Variants in NSMAF observed in about 807,000 individuals in gnomAD.
NSMAF encodes neutral sphingomyelinase activation associated factor, also known as protein FAN.
Under a neutral mutation model 134.9 loss-of-function variants are expected in NSMAF, and 90 were observed. That is an observed-to-expected ratio of 0.67 (90% CI 0.56 to 0.79). The LOEUF is 0.79. Among genes scored for constraint, NSMAF ranks in the 30% least tolerant of loss-of-function variants. NSMAF has a pLI of 0.00. For synonymous variants in NSMAF, 358 were observed against 389.6 expected, an observed-to-expected ratio of 0.92 and a Z score of 0.96; for missense variants, 1,010 against 1,119.0, an observed-to-expected ratio of 0.90 and a Z score of 1.39.
intron 2 of NSMAF, 149 bp from the exon 3 acceptor site, chr8:58,635,695 T>C: frequency 1.8e-6 from 1 of 552,860 alleles, no homozygotes; most frequent in East Asian, 3.0e-5. Flanking sequence ...TATTTTTAAA[T>C]TAACTGGTAA....
intron 10 of NSMAF, among the ~76,000 whole-genome samples, chr8:58,609,112 C>T (rs1806469303): frequency 6.6e-6 from 1 of 152,210 alleles, no homozygotes; most frequent in South Asian, 2.1e-4. Flanking sequence ...TCCACACACA[C>T]CTCTGCACTA....
Position 58,595,512 on chromosome 8 carries a change from C to T in NSMAF, c.1892+48G>A. On this transcript the variant is annotated intron_variant, in intron 22 of 30. Transcript: ENST00000038176. The stretch of plus-strand genomic sequence containing the variant: ...GTTTAATCCCATGCCAAGACCCTAA[C>T]TTTTACCAGGACTATCAGCTGCTGA... 3 of 1,375,520 alleles carry T rather than the reference C, an allele frequency of 2.2e-6. No individual in the cohort carries two copies. In the Admixed American group the frequency reaches 5.0e-5, roughly 23 times the overall value. The allele number at this position is 1,375,520 out of a possible 1,614,324, so 85.2% of individuals were successfully genotyped here.
intron 1 of NSMAF, among the ~76,000 whole-genome samples, chr8:58,651,280 T>A (rs1436647401): frequency 6.6e-6 from 1 of 152,248 alleles, no homozygotes; most frequent in East Asian, 1.9e-4. Context: ...TCATTTCTAG[T>A]TCCTGTACCA....
intron 2 of NSMAF, chr8:58,637,162 C>T (rs1807195261): frequency 3.2e-6 from 1 of 316,572 alleles, no homozygotes; most frequent in Admixed American, 3.9e-5. Flanking sequence ...ATTTTTGGCC[C>T]AATGTCAGCA....
intron 2 of NSMAF, among the ~76,000 whole-genome samples, chr8:58,640,531 C>T (rs190526519): frequency 6.7e-6 from 1 of 149,144 alleles, no homozygotes; most frequent in Non-Finnish European, 1.5e-5. Flanking sequence ...TAATAGTATA[C>T]TAATAACAAC....
intron 1 of NSMAF, among the ~76,000 whole-genome samples, chr8:58,650,229 C>T (rs563897394): frequency 1.3e-4 from 20 of 152,274 alleles, no homozygotes; most frequent in Admixed American, 3.3e-4. Context: ...TAGGCCTAGG[C>T]AGCAGCCCAG....
intron 2 of NSMAF, among the ~76,000 whole-genome samples, chr8:58,637,051 A>C (rs1024467443): frequency 6.7e-5 from 10 of 150,140 alleles, no homozygotes; most frequent in African/African-American, 2.5e-4. Context: ...CCCACACACA[A>C]ACACACATAT....
At chr8:58,651,390 C>T (rs1413111412) in intron 1 of NSMAF, among the ~76,000 whole-genome samples, 1 of 152,168 alleles carries the variant, frequency 6.6e-6, no homozygotes, top group African/African-American at 2.4e-5. Flanking sequence ...TTTAGCCCTT[C>T]CCCTCAGTAA....
At position 58,643,086 on chromosome 8, in the gene NSMAF, CG is replaced by C. The variant is rs1563543495; in HGVS notation, c.60-14del. The C allele has an allele frequency of 6.2e-7, 1 of 1,600,850 alleles. No homozygotes were observed. The highest frequency in any genetic ancestry group is 1.1e-5 in the South Asian group (1 of 90,754). ...CAGCAAGGAAAATCTGGATTTGGGG[CG>C]AAAAAACAACTTTCAGTTTATTTTT... On this transcript the variant is annotated splice_polypyrimidine_tract_variant and intron_variant, in intron 1 of 30. Coordinates refer to ENST00000038176, the MANE Select transcript of NSMAF (RefSeq NM_003580.4).
At chr8:58,602,209 T>G in intron 13 of NSMAF, 72 bp from the exon 14 acceptor site, 2 of 1,172,268 alleles carry the variant, frequency 1.7e-6, no homozygotes, top group Non-Finnish European at 2.5e-6. Flanking sequence ...AATTCAAATA[T>G]ACACATTTAC....
intron 9 of NSMAF, among the ~76,000 whole-genome samples, chr8:58,612,758 A>G (rs1806559604): frequency 6.6e-6 from 1 of 152,146 alleles, no homozygotes; most frequent in Non-Finnish European, 1.5e-5. Flanking sequence ...TGGTATAGGA[A>G]AAAGCCCCAC....
intron 1 of NSMAF, chr8:58,659,287 G>C (rs1053946512): frequency 2.0e-6 from 3 of 1,520,986 alleles, no homozygotes; most frequent in African/African-American, 2.9e-5. Context: ...GCCGGGACCT[G>C]CACTGCCGGA....
Position 58,623,202 on chromosome 8 carries a change from A to T in NSMAF, c.557+18T>A. 6.4e-7 allele frequency: 1 copy of T among 1,565,924 alleles called. No homozygotes were observed. Among genetic ancestry groups the T allele is most frequent in the African/African-American group, 1.4e-5 (1 of 74,052 alleles). ...TGTCCACCACTTTTCTAATTAGGAA[A>T]GATCATTAGAAACTTACCTGTTTTT... On this transcript the variant is annotated intron_variant, in intron 9 of 30. Transcript: ENST00000038176.
chr8:58,634,188 A>G (rs1563540033), intron 5 of NSMAF, among the ~76,000 whole-genome samples: 1 of 152,214 alleles, frequency 6.6e-6, no homozygotes, highest in African/African-American at 2.4e-5. Flanking sequence ...TTAAAACAAC[A>G]TGAAGTTGAG....
intron 9 of NSMAF, among the ~76,000 whole-genome samples, chr8:58,619,025 T>C (rs763982802): frequency 8.5e-5 from 13 of 152,190 alleles, no homozygotes; most frequent in Non-Finnish European, 1.9e-4. Context: ...AATTGAAGTC[T>C]AAATTGCTAC....
At chr8:58,652,391 C>T (rs894016588) in intron 1 of NSMAF, among the ~76,000 whole-genome samples, 1 of 152,198 alleles carries the variant, frequency 6.6e-6, no homozygotes, top group African/African-American at 2.4e-5. Context: ...CCCTGGTCCC[C>T]TGACCATGCC....
At chr8:58,606,364 T>A (rs945414509) in intron 11 of NSMAF, among the ~76,000 whole-genome samples, 3 of 152,210 alleles carry the variant, frequency 2.0e-5, no homozygotes, top group African/African-American at 7.2e-5. Flanking sequence ...CTGATCCATG[T>A]CTTCACATCT....
chr8:58,613,799 T>C (rs879482156), intron 9 of NSMAF, among the ~76,000 whole-genome samples: 1 of 152,226 alleles, frequency 6.6e-6, no homozygotes, highest in Non-Finnish European at 1.5e-5. Flanking sequence ...GTTTCGGATT[T>C]TGGATTTTTG....
intron 11 of NSMAF, 38 bp from the exon 12 acceptor site, chr8:58,606,073 T>C (rs367999327): frequency 1.0e-5 from 9 of 890,400 alleles, no homozygotes; most frequent in African/African-American, 1.8e-5. Context: ...ATAAATAGCA[T>C]TGTATTCATC....
Sources: allele counts gnomAD v4.1 joint callset (sites outside exome capture counted in the v4.1 genomes callset), GRCh38; gene constraint gnomAD v4.1.1; transcripts MANE v1.5; gene names NCBI Gene and HGNC (gene_info 2026-07-23, HGNC 2026-07-21).